Variants in CDH13 observed in about 807,000 individuals in gnomAD.
CDH13 encodes the protein cadherin-13.
Under a neutral mutation model 63.8 loss-of-function variants are expected in CDH13, and 24 were observed. The observed-to-expected ratio is 0.38, with a 90% CI of 0.27 to 0.53. CDH13 has a LOEUF of 0.53. Ranked by LOEUF, CDH13 falls within the 20% of genes least tolerant of loss-of-function variation. The pLI is 0.85. For synonymous variants in CDH13, 503 were observed against 355.3 expected, an observed-to-expected ratio of 1.42 and a Z score of -4.67; for missense variants, 1,049 against 903.1, an observed-to-expected ratio of 1.16 and a Z score of -2.07.
chr16:83,474,420 C>G (rs755380072), intron 6 of CDH13, among the ~76,000 whole-genome samples: 1 of 152,114 alleles, frequency 6.6e-6, no homozygotes, highest in Non-Finnish European at 1.5e-5. Flanking sequence ...TCTCAAGGCC[C>G]CACACCAGGC....
chr16:82,992,650 T>C (rs938107701), intron 2 of CDH13, among the ~76,000 whole-genome samples: 1 of 152,176 alleles, frequency 6.6e-6, no homozygotes, highest in Non-Finnish European at 1.5e-5. Context: ...ATAAAGACAT[T>C]TTTTAAAAGC....
chr16:82,642,926 C>G (rs1301511050), intron 1 of CDH13, among the ~76,000 whole-genome samples: 1 of 152,170 alleles, frequency 6.6e-6, no homozygotes, highest in African/African-American at 2.4e-5. Flanking sequence ...GGCTGAGATT[C>G]AAACTCAAGA....
intron 7 of CDH13, among the ~76,000 whole-genome samples, chr16:83,560,907 C>G (rs61502447): frequency 1.8e-4 from 27 of 152,116 alleles, no homozygotes; most frequent in East Asian, 3.9e-4. Context: ...TGGCCCCCCC[C>G]CCGCCCCAGG....
At chr16:83,666,891 C>T (rs931594900) in intron 8 of CDH13, among the ~76,000 whole-genome samples, 5 of 152,128 alleles carry the variant, frequency 3.3e-5, no homozygotes, top group South Asian at 2.1e-4. Flanking sequence ...TGACAATTAA[C>T]ACGTTGTTAT....
In CDH13 at chr16:82,856,188, A is replaced by C. The variant is rs369300963; in HGVS notation, c.46-2174A>C. Among the ~76,000 whole-genome samples the C allele has an allele frequency of 3.1e-3, 470 of 151,734 alleles. 3 individuals carry two copies. Among genetic ancestry groups the C allele is most frequent in the African/African-American group, 0.01 (421 of 41,290 alleles). ...TCAGCAGATCGAGACCATCCTGGCG[A>C]ACACTGTGAAACCCCGTCTCTACTA... On this transcript the variant is annotated intron_variant, in intron 1 of 13. Transcript: ENST00000567109.
Position 83,689,660 on chromosome 16 carries a change from C to T in CDH13, c.1538+11199C>T, listed in dbSNP as rs374625298. On this transcript the variant is annotated intron_variant, in intron 10 of 13. Transcript: ENST00000567109. Reference sequence around the variant, plus strand: ...CAAATGCTTAATTTGGGGATTTCCTCATGCATTCCAATAGCGTTGGCAGGA... The same window carrying T: ...CAAATGCTTAATTTGGGGATTTCCTTATGCATTCCAATAGCGTTGGCAGGA... Among the ~76,000 whole-genome samples, 32 of 152,318 alleles carry T rather than the reference C, an allele frequency of 2.1e-4. No individual in the cohort carries two copies. The South Asian group carries it at 6.0e-3, about 29-fold the overall frequency.
chr16:83,631,628 C>A (rs1205860116), intron 8 of CDH13, among the ~76,000 whole-genome samples: 1 of 152,042 alleles, frequency 6.6e-6, no homozygotes, highest in East Asian at 1.9e-4. Context: ...GGATGTCACT[C>A]CAGGATGCGC....
At chr16:83,627,451 C>T (rs773051660) in intron 8 of CDH13, among the ~76,000 whole-genome samples, 26 of 152,206 alleles carry the variant, frequency 1.7e-4, no homozygotes, top group Non-Finnish European at 2.6e-4. Context: ...CTACAAAAGA[C>T]CTTAATTGCA....
At chr16:83,134,961 T>C (rs1383794883) in intron 4 of CDH13, among the ~76,000 whole-genome samples, 1 of 152,230 alleles carries the variant, frequency 6.6e-6, no homozygotes, top group Non-Finnish European at 1.5e-5. Flanking sequence ...TAGAACTTTA[T>C]TGTTATTATG....
intron 6 of CDH13, among the ~76,000 whole-genome samples, chr16:83,427,092 A>G (rs953095980): frequency 2.0e-5 from 3 of 151,098 alleles, no homozygotes; most frequent in Non-Finnish European, 4.4e-5. Flanking sequence ...CCGCCTGGCT[A>G]ATATTTTGTA....
chr16:83,622,810 G>T (rs1187036949), intron 8 of CDH13, among the ~76,000 whole-genome samples: 3 of 152,208 alleles, frequency 2.0e-5, no homozygotes, highest in African/African-American at 7.2e-5. Context: ...CTTGTTCTGA[G>T]TTAGCAGGGT....
chr16:82,881,396 C>G (rs1279449000), intron 2 of CDH13, among the ~76,000 whole-genome samples: 1 of 152,096 alleles, frequency 6.6e-6, no homozygotes. Context: ...ATCAAAGGCT[C>G]AGTCAATATC....
At chr16:83,142,003 C>T (rs1347706744) in intron 4 of CDH13, among the ~76,000 whole-genome samples, 3 of 152,074 alleles carry the variant, frequency 2.0e-5, no homozygotes, top group Non-Finnish European at 4.4e-5. Context: ...TGAAAAGCCC[C>T]AGAAAGTGGG....
intron 4 of CDH13, among the ~76,000 whole-genome samples, chr16:83,196,304 A>C (rs988510974): frequency 6.6e-6 from 1 of 152,180 alleles, no homozygotes; most frequent in Non-Finnish European, 1.5e-5. Context: ...AAAGTGGATC[A>C]CAGATATAAA....
In CDH13 at chr16:83,047,840, A is replaced by G. The variant is rs1393184481; in HGVS notation, c.366+15622A>G. On this transcript the variant is annotated intron_variant, in intron 3 of 13. Transcript: ENST00000567109. This position sits in a 1 kb window ranked among gnomAD's most constrained non-coding sequence, Gnocchi z 4.9. The stretch of plus-strand genomic sequence containing the variant: ...TACATTAAGTCATATAATCTTTATA[A>G]TAACTCTATAATATAGGTCCTATTT... Among the ~76,000 whole-genome samples, 1 of 152,200 alleles carries G rather than the reference A, an allele frequency of 6.6e-6. No homozygotes were observed. The highest frequency in any genetic ancestry group is 2.4e-5 in the African/African-American group (1 of 41,464).
At chr16:83,068,497 G>T (rs1039554789) in intron 3 of CDH13, among the ~76,000 whole-genome samples, 1 of 152,146 alleles carries the variant, frequency 6.6e-6, no homozygotes, top group Non-Finnish European at 1.5e-5. Context: ...AGGTAAGGCT[G>T]TATGCGGTAC....
At position 83,032,077 on chromosome 16, in the gene CDH13, G is replaced by A. The variant is rs1227958246; in HGVS notation, c.225G>A (p.Val75=). The stretch of plus-strand genomic sequence containing the variant: ...AGGTCTCGAGCCCATACTTCAAGGT[G>A]AACAGCGATGGCGGCTTAGTTGCTC... ...RYEVSSPYFK[V]NSDGGLVALR... is the part of the protein sequence containing the mutation. The change falls in exon 3 of 14, where the codon GTG becomes GTA. Residue 75 remains valine, a synonymous_variant. Transcript: ENST00000567109. 1.4e-5 allele frequency: 22 copies of A among 1,611,826 alleles called. No individual in the cohort carries two copies. Among genetic ancestry groups the A allele is most frequent in the Non-Finnish European group, 1.8e-5 (21 of 1,179,126 alleles).
chr16:83,354,762 T>TGGGCAA (rs1271522267), intron 6 of CDH13, among the ~76,000 whole-genome samples: 3 of 152,022 alleles, frequency 2.0e-5, no homozygotes, highest in Non-Finnish European at 4.4e-5. Flanking sequence ...GACAGGGAGA[T>TGGGCAA]GGGCAAGGGC....
At chr16:83,392,730 G>T (rs1301842563) in intron 6 of CDH13, among the ~76,000 whole-genome samples, 1 of 152,162 alleles carries the variant, frequency 6.6e-6, no homozygotes, top group Non-Finnish European at 1.5e-5. Context: ...CAGAACCAGC[G>T]CACGAGGCAG....
Sources: gnomAD v4.1 joint callset for allele counts (sites outside exome capture counted in the v4.1 genomes callset) on GRCh38, gnomAD v4.1.1 for gene constraint, Gnocchi (gnomAD v3.1) non-coding constraint, MANE v1.5 for transcripts, NCBI Gene and HGNC (gene_info 2026-07-23, HGNC 2026-07-21) for gene names.